Variants in CSMD1 observed in about 807,000 individuals in gnomAD.
CSMD1 encodes the protein CUB and sushi domain-containing protein 1.
Under a neutral mutation model 417.5 loss-of-function variants are expected in CSMD1, and 213 were observed. The observed-to-expected ratio is 0.51, with a 90% CI of 0.46 to 0.57. The LOEUF is 0.57. Ranked by LOEUF, CSMD1 falls within the 20% of genes least tolerant of loss-of-function variation. CSMD1 has a pLI of 0.00. For synonymous variants in CSMD1, 2,862 were observed against 1,736.8 expected (o/e 1.65, Z -16.11); for missense variants, 6,923 against 4,529.7 (o/e 1.53, Z -15.17).
intron 14 of CSMD1, among the ~76,000 whole-genome samples, chr8:3,407,101 G>C (rs920307703): frequency 2.0e-5 from 3 of 152,052 alleles, no homozygotes; most frequent in African/African-American, 7.2e-5. Flanking sequence ...ATGGAGGGAT[G>C]GATGGAAAGA....
At position 3,938,617 on chromosome 8, in the gene CSMD1, G is replaced by C. The variant is rs146345533; in HGVS notation, c.818+59286C>G. On this transcript the variant is annotated intron_variant, in intron 5 of 69. Coordinates refer to ENST00000635120, the MANE Select transcript of CSMD1 (RefSeq NM_033225.6). Reference sequence around the variant, plus strand: ...AATCATGCTGTAGACCCCGAATAAGGGCTAGGCTGCCCCAGCAGGTCACTG... The same window carrying C: ...AATCATGCTGTAGACCCCGAATAAGCGCTAGGCTGCCCCAGCAGGTCACTG... 9.7e-3 allele frequency among the ~76,000 whole-genome samples: 1,483 copies of C among 152,176 alleles called. 21 individuals carry two copies. The highest frequency in any genetic ancestry group is 0.033 in the African/African-American group (1,389 of 41,534).
At position 4,358,537 on chromosome 8, in the gene CSMD1, G is replaced by A. The variant is rs1584952349; in HGVS notation, c.415+61416C>T. Among the ~76,000 whole-genome samples the A allele has an allele frequency of 2.0e-5, 3 of 152,162 alleles. No individual in the cohort carries two copies. The South Asian group carries it at 6.2e-4, about 32-fold the overall frequency. ...AGAGCTCCGCAGATGCAGAGGTGAC[G>A]ATATGGCCTACAAAACTTAAAATAT... On this transcript the variant is annotated intron_variant, in intron 3 of 69. Transcript: ENST00000635120.
chr8:3,778,471 G>C (rs150001816), intron 5 of CSMD1, among the ~76,000 whole-genome samples: 16 of 152,260 alleles, frequency 1.1e-4, no homozygotes, highest in African/African-American at 3.9e-4. Flanking sequence ...CCTTACAAGG[G>C]TTCCTGTCTT....
intron 10 of CSMD1, among the ~76,000 whole-genome samples, chr8:3,560,082 A>G (rs974771327): frequency 2.6e-5 from 4 of 152,154 alleles, no homozygotes; most frequent in African/African-American, 9.7e-5. Context: ...TGTTCACTAG[A>G]AAAGACACCC....
chr8:3,756,180 T>C (rs1270383574), intron 5 of CSMD1, among the ~76,000 whole-genome samples: 1 of 151,842 alleles, frequency 6.6e-6, no homozygotes, highest in Non-Finnish European at 1.5e-5. Context: ...GGTAAAACCC[T>C]GCCTCTACTA....
intron 25 of CSMD1, among the ~76,000 whole-genome samples, chr8:3,301,448 G>GA (rs1391410101): frequency 6.6e-6 from 1 of 152,154 alleles, no homozygotes; most frequent in Non-Finnish European, 1.5e-5. Context: ...TATTAGTACA[G>GA]AAGGAAGGTA....
intron 5 of CSMD1, among the ~76,000 whole-genome samples, chr8:3,799,860 C>G (rs1403489579): frequency 6.6e-6 from 1 of 152,104 alleles, no homozygotes; most frequent in Non-Finnish European, 1.5e-5. Flanking sequence ...AGATCACAGT[C>G]CTGAATTTAA....
At chr8:3,910,357 C>A (rs1417752244) in intron 5 of CSMD1, among the ~76,000 whole-genome samples, 1 of 152,064 alleles carries the variant, frequency 6.6e-6, no homozygotes, top group African/African-American at 2.4e-5. Flanking sequence ...GCAGGTGCAC[C>A]GAGGCCACAG....
chr8:4,781,989 G>C (rs188791446), intron 1 of CSMD1, among the ~76,000 whole-genome samples: 1 of 152,268 alleles, frequency 6.6e-6, no homozygotes, highest in East Asian at 1.9e-4. Context: ...CATTTCTCCA[G>C]AGTTTCCACT....
chr8:3,551,317 G>A (rs913164558), intron 10 of CSMD1, among the ~76,000 whole-genome samples: 14 of 152,122 alleles, frequency 9.2e-5, no homozygotes, highest in Non-Finnish European at 1.9e-4. Context: ...ATATCAATAT[G>A]TGAATGTTTT....
intron 3 of CSMD1, among the ~76,000 whole-genome samples, chr8:4,333,402 T>G (rs1274574700): frequency 8.5e-5 from 13 of 152,152 alleles, no homozygotes; most frequent in Admixed American, 8.5e-4. Context: ...GTTGAATTTC[T>G]GTCTCCTCAA....
At chr8:4,985,450 G>T (rs1430103684) in intron 1 of CSMD1, among the ~76,000 whole-genome samples, 2 of 152,180 alleles carry the variant, frequency 1.3e-5, no homozygotes, top group South Asian at 4.1e-4. Flanking sequence ...GAGTGATTCT[G>T]TTTGGCACAT....
At chr8:3,848,854 ACATT>A (rs1390811878) in intron 5 of CSMD1, among the ~76,000 whole-genome samples, 9 of 152,116 alleles carry the variant, frequency 5.9e-5, no homozygotes, top group African/African-American at 2.2e-4. Context: ...TATAAAGCAC[ACATT>A]TTTTTCAGTC....
At chr8:4,044,386 A>G (rs1418268598) in intron 3 of CSMD1, among the ~76,000 whole-genome samples, 3 of 152,186 alleles carry the variant, frequency 2.0e-5, no homozygotes, top group African/African-American at 7.2e-5. Context: ...TTAATAAGCT[A>G]AAGGCAATCT....
intron 2 of CSMD1, among the ~76,000 whole-genome samples, chr8:4,588,566 T>C (rs1274302698): frequency 6.6e-6 from 1 of 151,754 alleles, no homozygotes; most frequent in East Asian, 2.0e-4. Flanking sequence ...AGGCCGAGTC[T>C]GGCGGATCAG....
intron 5 of CSMD1, among the ~76,000 whole-genome samples, chr8:3,893,280 T>C (rs1807108771): frequency 6.9e-6 from 1 of 145,102 alleles, no homozygotes; most frequent in African/African-American, 2.5e-5. Flanking sequence ...AAACAAGTAA[T>C]TTGTGATTTC....
intron 57 of CSMD1, among the ~76,000 whole-genome samples, chr8:2,968,686 T>C (rs1439833196): frequency 6.6e-6 from 1 of 152,152 alleles, no homozygotes; most frequent in Non-Finnish European, 1.5e-5. Flanking sequence ...AATGCAATTA[T>C]GTAAAATTAT....
At chr8:4,884,216 T>G (rs1359836375) in intron 1 of CSMD1, among the ~76,000 whole-genome samples, 7 of 152,010 alleles carry the variant, frequency 4.6e-5, no homozygotes, top group Admixed American at 4.6e-4. Context: ...TGTGTGTGTG[T>G]GTGTGTACAC....
At chr8:4,455,865 G>T (rs181925994) in intron 2 of CSMD1, among the ~76,000 whole-genome samples, 1 of 127,226 alleles carries the variant, frequency 7.9e-6, no homozygotes, top group Admixed American at 9.8e-5. Flanking sequence ...TGGGAGACAG[G>T]TTGCAGTGAG....
Sources: gnomAD v4.1 joint callset for allele counts (sites outside exome capture counted in the v4.1 genomes callset) on GRCh38, gnomAD v4.1.1 for gene constraint, MANE v1.5 for transcripts, NCBI Gene and HGNC (gene_info 2026-07-23, HGNC 2026-07-21) for gene names.